The following ZFYVE9 variants were observed in gnomAD, a reference collection of about 807,000 sequenced individuals.
The protein encoded by ZFYVE9 is zinc finger FYVE domain-containing protein 9.
In ZFYVE9, 43 loss-of-function variants were observed where a neutral mutation model predicts 126.7. That is an observed-to-expected ratio of 0.34 (90% CI 0.27 to 0.44). ZFYVE9 has a LOEUF of 0.44. Ranked by LOEUF, ZFYVE9 falls within the 20% of genes least tolerant of loss-of-function variation. The probability of loss-of-function intolerance (pLI) is 1.00; values close to 1 mark genes in which losing one functional copy is unlikely to be tolerated. For synonymous variants in ZFYVE9, 521 were observed against 597.4 expected, an observed-to-expected ratio of 0.87 and a Z score of 1.87; for missense variants, 1,476 against 1,697.0, an observed-to-expected ratio of 0.87 and a Z score of 2.29.
intron 1 of ZFYVE9, among the ~76,000 whole-genome samples, chr1:52,176,977 C>T (rs1005929369): frequency 1.2e-4 from 19 of 152,146 alleles, no homozygotes; most frequent in African/African-American, 4.3e-4. Flanking sequence ...TGCTTCGGCT[C>T]GTGCACAGTG....
chr1:52,163,371 C>T (rs1378652294), intron 1 of ZFYVE9, among the ~76,000 whole-genome samples: 1 of 152,202 alleles, frequency 6.6e-6, no homozygotes, highest in African/African-American at 2.4e-5. Context: ...AGTCTTGGCT[C>T]GAGGGCCAAT....
At chr1:52,152,588 C>T (rs1456191379) in intron 1 of ZFYVE9, among the ~76,000 whole-genome samples, 1 of 152,146 alleles carries the variant, frequency 6.6e-6, no homozygotes, top group Admixed American at 6.6e-5. Context: ...AATAAATAAT[C>T]ACTCTTAATA....
At chr1:52,293,788 C>T in intron 11 of ZFYVE9, 111 bp downstream of exon 11, 1 of 1,101,450 alleles carries the variant, frequency 9.1e-7, no homozygotes, top group South Asian at 1.6e-5. Context: ...TTTGAAATAG[C>T]TAAACTAAAT....
At chr1:52,325,446 A>C (rs1160884527) in intron 13 of ZFYVE9, among the ~76,000 whole-genome samples, 2 of 152,188 alleles carry the variant, frequency 1.3e-5, no homozygotes, top group East Asian at 3.8e-4. Flanking sequence ...CCTGAGCCCC[A>C]GAGGTCAAGG....
In ZFYVE9 at chr1:52,295,745, C is replaced by T. The variant is rs1387442396; in HGVS notation, c.3251-150C>T. ...CTTAATATGGCTCAGCATTTGTCTG[C>T]TACCATGCCAAATACTTTTTGAGCC... is the stretch of plus-strand genomic sequence containing the variant. On this transcript the variant is annotated intron_variant, in intron 11 of 18. Coordinates refer to ENST00000287727, the MANE Select transcript of ZFYVE9 (RefSeq NM_004799.4). 8 of 589,720 alleles carry T rather than the reference C, an allele frequency of 1.4e-5. No homozygotes were observed. In the Admixed American group the frequency reaches 2.2e-4, roughly 16 times the overall value. The allele number at this position is 589,720 out of a possible 1,614,324, so 36.5% of individuals were successfully genotyped here.
intron 13 of ZFYVE9, among the ~76,000 whole-genome samples, chr1:52,323,320 ACTCCCAGTC>A (rs1646259093): frequency 1.3e-5 from 2 of 151,968 alleles, no homozygotes; most frequent in African/African-American, 4.8e-5. Context: ...ACCCACCAAT[ACTCCCAGTC>A]CTCCTTCCAT....
At chr1:52,235,458 C>T (rs1645264839) in intron 3 of ZFYVE9, among the ~76,000 whole-genome samples, 1 of 152,040 alleles carries the variant, frequency 6.6e-6, no homozygotes. Flanking sequence ...TTTCCAGGAA[C>T]CATATTGGAA....
chr1:52,332,414 A>T (rs890434140), intron 13 of ZFYVE9, among the ~76,000 whole-genome samples: 39 of 152,342 alleles, frequency 2.6e-4, no homozygotes, highest in African/African-American at 9.1e-4. Context: ...TTTTGAACTT[A>T]GAATTTCAGA....
At chr1:52,196,925 A>G (rs1334070697) in intron 1 of ZFYVE9, among the ~76,000 whole-genome samples, 1 of 152,150 alleles carries the variant, frequency 6.6e-6, no homozygotes, top group Non-Finnish European at 1.5e-5. Flanking sequence ...GCCAGACCTC[A>G]TAAGGTCTTA....
chr1:52,180,122 G>C, intron 1 of ZFYVE9: 1 of 1,006,000 alleles, frequency 9.9e-7, no homozygotes, highest in Non-Finnish European at 1.6e-6. Flanking sequence ...AAGTTTTGGA[G>C]ATCTCAGGGA....
rs11205947 is a variant in ZFYVE9 at position 52,263,765 on chromosome 1, C to A, written c.2179-8C>A. The stretch of plus-strand genomic sequence containing the variant: ...TTTTGTGTGTTCTTCCCCCCCCCCC[C>A]CCCACAGGTTTTCTGTGCTTCCTGC... On this transcript the variant is annotated splice_polypyrimidine_tract_variant and splice_region_variant and intron_variant, in intron 4 of 18. Coordinates refer to ENST00000287727, the MANE Select transcript of ZFYVE9 (RefSeq NM_004799.4). 57 of 1,157,296 alleles carry A rather than the reference C, an allele frequency of 4.9e-5. 1 individual carries two copies. Among genetic ancestry groups the A allele is most frequent in the African/African-American group, 2.0e-4 (10 of 49,620 alleles). 71.7% of individuals were successfully genotyped at this position (1,157,296 alleles called of 1,614,324 possible).
At chr1:52,177,834 T>G (rs984228426) in intron 1 of ZFYVE9, among the ~76,000 whole-genome samples, 3 of 152,014 alleles carry the variant, frequency 2.0e-5, no homozygotes, top group Admixed American at 2.0e-4. Flanking sequence ...GCAAATAGTG[T>G]GTTATGCTAG....
chr1:52,166,175 TGA>T (rs1485256172), intron 1 of ZFYVE9, among the ~76,000 whole-genome samples: 1 of 152,246 alleles, frequency 6.6e-6, no homozygotes, highest in Non-Finnish European at 1.5e-5. Context: ...TTAGAACAAC[TGA>T]GAGTGCATGG....
At chr1:52,340,579 G>T (rs890873852) in intron 17 of ZFYVE9, among the ~76,000 whole-genome samples, 1 of 152,036 alleles carries the variant, frequency 6.6e-6, no homozygotes, top group Non-Finnish European at 1.5e-5. Flanking sequence ...ATAACATGAC[G>T]GTCTTTAAAA....
intron 10 of ZFYVE9, 77 bp from the exon 11 acceptor site, chr1:52,293,376 C>CA (rs376379860): frequency 0.11 from 65,230 of 597,694 alleles, 114 homozygotes; most frequent in Non-Finnish European, 0.12. Context: ...GACTCCGTCT[C>CA]AAAAAAAAAA....
At chr1:52,218,822 T>TGGA (rs1645096628) in intron 2 of ZFYVE9, among the ~76,000 whole-genome samples, 1 of 151,756 alleles carries the variant, frequency 6.6e-6, no homozygotes, top group East Asian at 1.9e-4. Flanking sequence ...TGGGGGGAGA[T>TGGA]GGAGGAGGAG....
At chr1:52,251,869 G>A (rs978032701) in intron 4 of ZFYVE9, among the ~76,000 whole-genome samples, 1 of 152,006 alleles carries the variant, frequency 6.6e-6, no homozygotes, top group African/African-American at 2.4e-5. Context: ...CTCCCCACTA[G>A]TTATAGGTTT....
intron 10 of ZFYVE9, among the ~76,000 whole-genome samples, chr1:52,286,328 A>G (rs372275829): frequency 3.2e-4 from 49 of 152,320 alleles, no homozygotes; most frequent in African/African-American, 1.0e-3. Context: ...GGAGCTATTG[A>G]ATGAACTTTT....
intron 4 of ZFYVE9, among the ~76,000 whole-genome samples, chr1:52,247,448 G>A (rs1003355709): frequency 1.3e-5 from 2 of 152,022 alleles, no homozygotes; most frequent in African/African-American, 2.4e-5. Context: ...GTTCAGTGGC[G>A]TTACATGCAT....
Sources: allele counts gnomAD v4.1 joint callset (sites outside exome capture counted in the v4.1 genomes callset), GRCh38; gene constraint gnomAD v4.1.1; transcripts MANE v1.5; gene names NCBI Gene and HGNC (gene_info 2026-07-23, HGNC 2026-07-21).